The following NDUFAF2 variants were observed in gnomAD, a reference collection of about 807,000 sequenced individuals.
NDUFAF2 encodes NADH dehydrogenase [ubiquinone] 1 alpha subcomplex assembly factor 2.
Under a neutral mutation model 22.8 loss-of-function variants are expected in NDUFAF2, and 13 were observed. That is an observed-to-expected ratio of 0.57 (90% confidence interval 0.37 to 0.91). The LOEUF (loss-of-function observed/expected upper bound fraction) is 0.91, where lower values mean the gene tolerates loss of function less well. Ranked by LOEUF, NDUFAF2 falls within the 40% of genes least tolerant of loss-of-function variation. The pLI, the probability that NDUFAF2 is intolerant of heterozygous loss-of-function variation, is 0.01. For missense variants in NDUFAF2, 162 were observed against 195.2 expected (o/e 0.83, Z 1.01); for synonymous variants, 53 against 64.2 (o/e 0.83, Z 0.84).
chr5:61,071,254 A>C (rs1580121789), intron 1 of NDUFAF2, among the ~76,000 whole-genome samples: 1 of 152,176 alleles, frequency 6.6e-6, no homozygotes. Flanking sequence ...TAAGATAAGC[A>C]AAAGGTAACT....
At chr5:61,056,313 G>A (rs1481910936) in intron 1 of NDUFAF2, among the ~76,000 whole-genome samples, 1 of 152,148 alleles carries the variant, frequency 6.6e-6, no homozygotes, top group Non-Finnish European at 1.5e-5. Flanking sequence ...ATTAGTGACT[G>A]TAGTGTTTAT....
At chr5:61,061,883 G>A (rs2111715499) in intron 1 of NDUFAF2, among the ~76,000 whole-genome samples, 1 of 152,268 alleles carries the variant, frequency 6.6e-6, no homozygotes, top group East Asian at 1.9e-4. Flanking sequence ...AACCTACACT[G>A]CTGCAGTCAG....
chr5:61,047,367 C>G (rs184048448), intron 1 of NDUFAF2, among the ~76,000 whole-genome samples: 288 of 152,000 alleles, frequency 1.9e-3, no homozygotes, highest in Non-Finnish European at 3.5e-3. Context: ...GTTTCAGAGC[C>G]AGGTGGTCTG....
chr5:61,136,041 A>ATATATC (rs1561136719), intron 3 of NDUFAF2, among the ~76,000 whole-genome samples: 1 of 108,738 alleles, frequency 9.2e-6, no homozygotes, highest in African/African-American at 3.5e-5. Context: ...ATATATATAT[A>ATATATC]TCTAGGGTGG....
chr5:61,125,272 C>A (rs1486303811), intron 3 of NDUFAF2, among the ~76,000 whole-genome samples: 1 of 152,018 alleles, frequency 6.6e-6, no homozygotes, highest in Non-Finnish European at 1.5e-5. Context: ...CTCCTAAATT[C>A]TTGGATGCTT....
chr5:60,984,763 A>C (rs1043143551), intron 1 of NDUFAF2, among the ~76,000 whole-genome samples: 8 of 152,168 alleles, frequency 5.3e-5, no homozygotes, highest in Admixed American at 1.3e-4. Context: ...CATGGTGGAT[A>C]AGCTTTTTGA....
intron 1 of NDUFAF2, among the ~76,000 whole-genome samples, chr5:61,022,281 A>G (rs979832391): frequency 7.2e-5 from 11 of 152,164 alleles, no homozygotes; most frequent in African/African-American, 1.7e-4. Flanking sequence ...GTGTTTACCA[A>G]TATCTTTTCT....
intron 1 of NDUFAF2, among the ~76,000 whole-genome samples, chr5:60,968,038 AT>A (rs1437772591): frequency 1.3e-5 from 2 of 151,518 alleles, no homozygotes; most frequent in Non-Finnish European, 3.0e-5. Flanking sequence ...GTCTGTTCAG[AT>A]TTTATATTTC....
intron 1 of NDUFAF2, among the ~76,000 whole-genome samples, chr5:61,037,126 C>T (rs1751809559): frequency 6.6e-6 from 1 of 151,996 alleles, no homozygotes; most frequent in African/African-American, 2.4e-5. Context: ...GAGACCACCA[C>T]CAAAAACAAA....
chr5:61,144,879 C>G (rs1741116386), intron 3 of NDUFAF2, among the ~76,000 whole-genome samples: 1 of 152,144 alleles, frequency 6.6e-6, no homozygotes, highest in Admixed American at 6.6e-5. Context: ...TGTTTTACCT[C>G]CTCTTTATAA....
chr5:61,062,754 A>G (rs1752181387), intron 1 of NDUFAF2, among the ~76,000 whole-genome samples: 1 of 152,142 alleles, frequency 6.6e-6, no homozygotes, highest in South Asian at 2.1e-4. Flanking sequence ...TTTGAAGCAC[A>G]TTATAATCAA....
intron 1 of NDUFAF2, among the ~76,000 whole-genome samples, chr5:61,048,937 G>A (rs181254619): frequency 4.7e-4 from 72 of 152,152 alleles, no homozygotes; most frequent in Non-Finnish European, 7.5e-4. Flanking sequence ...CAGGCTGCGT[G>A]GTTATGTCTC....
At position 61,043,703 on chromosome 5, in the gene NDUFAF2, ATG is replaced by A. The variant is rs201326548; in HGVS notation, c.128-29404_128-29403del. 2.9e-3 allele frequency among the ~76,000 whole-genome samples: 376 copies of A among 131,454 alleles called. 4 individuals carry two copies. The highest frequency in any genetic ancestry group is 0.011 in the African/African-American group (329 of 29,440). The allele number at this position is 131,454 out of a possible 152,430, so 86.2% of individuals were successfully genotyped here. A position where few individuals can be genotyped will look rare whatever the true frequency, so the allele number is the denominator to read the frequency against. On this transcript the variant is annotated intron_variant, in intron 1 of 3. Coordinates refer to ENST00000296597, the MANE Select transcript of NDUFAF2 (RefSeq NM_174889.5). ...TATGTGTGTGTGTGTGTGTGTGTGT[ATG>A]TGTGTGTGTGTGTGTGTATCTACAT...
chr5:61,081,068 C>T (rs1047279952), intron 2 of NDUFAF2, among the ~76,000 whole-genome samples: 10 of 152,026 alleles, frequency 6.6e-5, no homozygotes, highest in African/African-American at 2.4e-4. Context: ...TTTCCAGCAC[C>T]GTTTTTTTAA....
At chr5:61,040,911 C>T (rs994320835) in intron 1 of NDUFAF2, among the ~76,000 whole-genome samples, 11 of 152,016 alleles carry the variant, frequency 7.2e-5, no homozygotes, top group African/African-American at 2.7e-4. Flanking sequence ...AAAATAAAAT[C>T]CAAAGTGGGT....
At chr5:61,073,268 A>G in intron 2 of NDUFAF2, 54 bp downstream of exon 2, 2 of 1,265,320 alleles carry the variant, frequency 1.6e-6, no homozygotes, top group East Asian at 2.3e-5. Flanking sequence ...ATAACAGTAT[A>G]CAAATTCAAT....
intron 1 of NDUFAF2, among the ~76,000 whole-genome samples, chr5:61,037,158 A>T (rs996305915): frequency 3.9e-5 from 6 of 152,224 alleles, no homozygotes; most frequent in African/African-American, 1.2e-4. Flanking sequence ...AGTCTCTGGA[A>T]GATTTGTGTT....
intron 3 of NDUFAF2, chr5:61,146,016 G>A (rs139370080): frequency 6.6e-6 from 1 of 152,312 alleles, no homozygotes; most frequent in East Asian, 1.9e-4. Context: ...GGGGAGCCAA[G>A]ACAGTGGTAT....
At chr5:61,000,402 C>T (rs1348165458) in intron 1 of NDUFAF2, among the ~76,000 whole-genome samples, 1 of 152,052 alleles carries the variant, frequency 6.6e-6, no homozygotes, top group Non-Finnish European at 1.5e-5. Context: ...CAGAGGTTAC[C>T]TTTCAACACT....
Sources: gnomAD v4.1 joint callset for allele counts (sites outside exome capture counted in the v4.1 genomes callset) on GRCh38, gnomAD v4.1.1 for gene constraint, MANE v1.5 for transcripts, NCBI Gene and HGNC (gene_info 2026-07-23, HGNC 2026-07-21) for gene names.